Variants in NKAIN2 observed in about 807,000 individuals in gnomAD.
NKAIN2 encodes sodium/potassium-transporting ATPase subunit beta-1-interacting protein 2.
A neutral mutation model predicts 32.6 loss-of-function variants in NKAIN2; 14 were observed. The observed-to-expected ratio is 0.43, with a 90% CI of 0.28 to 0.67. NKAIN2 has a LOEUF of 0.67. Among genes scored for constraint, NKAIN2 ranks in the 30% least tolerant of loss-of-function variants. The probability of loss-of-function intolerance (pLI) is 0.17; values close to 1 mark genes in which losing one functional copy is unlikely to be tolerated. For missense variants in NKAIN2, 198 were observed against 258.3 expected (o/e 0.77, Z 1.60); for synonymous variants, 80 against 87.2 (o/e 0.92, Z 0.46).
chr6:123,834,677 C>G (rs983799344), intron 1 of NKAIN2, among the ~76,000 whole-genome samples: 1 of 152,088 alleles, frequency 6.6e-6, no homozygotes, highest in Non-Finnish European at 1.5e-5. Context: ...TTGACTTTCT[C>G]GCCATTAAGT....
At chr6:123,862,325 T>C (rs1048787836) in intron 1 of NKAIN2, among the ~76,000 whole-genome samples, 5 of 152,086 alleles carry the variant, frequency 3.3e-5, no homozygotes, top group South Asian at 4.1e-4. Context: ...GCAAACTCAG[T>C]TTTTTAGTTT....
chr6:124,211,251 A>T (rs909305498), intron 1 of NKAIN2, among the ~76,000 whole-genome samples: 1 of 151,926 alleles, frequency 6.6e-6, no homozygotes, highest in East Asian at 1.9e-4. Context: ...TAATTTTAAA[A>T]AGATTATATT....
chr6:124,157,493 G>C (rs946638756), intron 1 of NKAIN2, among the ~76,000 whole-genome samples: 5 of 152,092 alleles, frequency 3.3e-5, no homozygotes, highest in Non-Finnish European at 7.4e-5. Context: ...TGGTGAAGTT[G>C]TTTTCACATT....
At chr6:124,401,050 G>A (rs1008161860) in intron 3 of NKAIN2, among the ~76,000 whole-genome samples, 1 of 152,070 alleles carries the variant, frequency 6.6e-6, no homozygotes, top group Non-Finnish European at 1.5e-5. Context: ...GCATTGGTCT[G>A]TTATTTTTGT....
chr6:124,065,662 A>G (rs1269345379), intron 1 of NKAIN2, among the ~76,000 whole-genome samples: 5 of 152,116 alleles, frequency 3.3e-5, no homozygotes, highest in Admixed American at 6.6e-5. Flanking sequence ...CCAGAACGGT[A>G]AGAAATAAAT....
intron 1 of NKAIN2, among the ~76,000 whole-genome samples, chr6:123,951,362 T>G (rs559083659): frequency 6.6e-6 from 1 of 152,124 alleles, no homozygotes; most frequent in Admixed American, 6.5e-5. Flanking sequence ...GAAGTGTTGA[T>G]TTCTTCAATT....
intron 2 of NKAIN2, among the ~76,000 whole-genome samples, chr6:124,287,290 T>C (rs1795597590): frequency 6.6e-6 from 1 of 152,200 alleles, no homozygotes; most frequent in South Asian, 2.1e-4. Context: ...TTGCTATATT[T>C]GAAGAGCTTC....
rs1252922344 is a variant in NKAIN2 at position 124,308,115 on chromosome 6, A to G, written c.192+24973A>G. Among the ~76,000 whole-genome samples, 6 of 152,020 alleles carry G rather than the reference A, an allele frequency of 3.9e-5. No homozygotes were observed. In the East Asian group the frequency reaches 5.8e-4, roughly 15 times the overall value. On this transcript the variant is annotated intron_variant, in intron 2 of 6. Transcript: ENST00000368417. ...GTTTTAAGCCCCGCATGCATTAGGTATTTGTTCTAATGCTCTCCCTCCCTT... is the reference window on the plus strand; with the variant it reads ...GTTTTAAGCCCCGCATGCATTAGGTGTTTGTTCTAATGCTCTCCCTCCCTT...
At chr6:124,127,195 A>G (rs529257059) in intron 1 of NKAIN2, among the ~76,000 whole-genome samples, 1 of 152,298 alleles carries the variant, frequency 6.6e-6, no homozygotes, top group Admixed American at 6.5e-5. Flanking sequence ...CTGTGCATTC[A>G]TGGATGGAGA....
intron 4 of NKAIN2, among the ~76,000 whole-genome samples, chr6:124,667,790 T>C (rs1015849930): frequency 6.6e-6 from 1 of 152,144 alleles, no homozygotes; most frequent in Non-Finnish European, 1.5e-5. Context: ...TTGTTCAGTA[T>C]GTTATACTTG....
intron 4 of NKAIN2, among the ~76,000 whole-genome samples, chr6:124,692,742 G>T (rs1774317111): frequency 6.6e-6 from 1 of 151,252 alleles, no homozygotes; most frequent in African/African-American, 2.4e-5. Context: ...CTTGAACCTG[G>T]GAGGCGGAGG....
intron 4 of NKAIN2, among the ~76,000 whole-genome samples, chr6:124,732,051 A>C (rs1776706524): frequency 6.6e-6 from 1 of 152,088 alleles, no homozygotes; most frequent in Non-Finnish European, 1.5e-5. Flanking sequence ...ATATCATTCT[A>C]ATAGTGCAGT....
intron 3 of NKAIN2, among the ~76,000 whole-genome samples, chr6:124,583,103 A>G (rs1177283783): frequency 6.6e-6 from 1 of 152,078 alleles, no homozygotes; most frequent in Non-Finnish European, 1.5e-5. Context: ...CAACATAATA[A>G]TGGAAGTCCT....
At chr6:124,342,162 G>C (rs547781626) in intron 2 of NKAIN2, among the ~76,000 whole-genome samples, 1 of 152,114 alleles carries the variant, frequency 6.6e-6, no homozygotes, top group South Asian at 2.1e-4. Context: ...AGCACTTTGG[G>C]AGGCCAAGGC....
intron 1 of NKAIN2, among the ~76,000 whole-genome samples, chr6:123,919,970 G>A (rs1216264033): frequency 6.6e-6 from 1 of 152,034 alleles, no homozygotes; most frequent in African/African-American, 2.4e-5. Flanking sequence ...TCAACTTGCA[G>A]CATTAAAGAA....
chr6:124,072,004 A>G (rs950317966), intron 1 of NKAIN2, among the ~76,000 whole-genome samples: 5 of 152,306 alleles, frequency 3.3e-5, no homozygotes, highest in Non-Finnish European at 5.9e-5. Context: ...AAATTTTTCT[A>G]CCAAAATGAC....
chr6:124,442,535 G>T (rs78903255), intron 3 of NKAIN2, among the ~76,000 whole-genome samples: 1 of 152,048 alleles, frequency 6.6e-6, no homozygotes, highest in Non-Finnish European at 1.5e-5. Context: ...CTAAGACACC[G>T]GCTCCTGCAT....
In NKAIN2 at chr6:124,450,412, T is replaced by A. The variant is rs564268038; in HGVS notation, c.273+95065T>A. Among the ~76,000 whole-genome samples the A allele has an allele frequency of 5.3e-5, 8 of 152,162 alleles. No individual in the cohort carries two copies. In the South Asian group the frequency reaches 1.7e-3, roughly 32 times the overall value. ...TTAATCTGAAAACTCCCTTCTTATATGTGCATGTATGATAAATTTTTGATA... is the reference window on the plus strand; with the variant it reads ...TTAATCTGAAAACTCCCTTCTTATAAGTGCATGTATGATAAATTTTTGATA... On this transcript the variant is annotated intron_variant, in intron 3 of 6. Coordinates refer to ENST00000368417, the MANE Select transcript of NKAIN2 (RefSeq NM_001040214.3).
At chr6:124,288,815 C>T (rs995614958) in intron 2 of NKAIN2, among the ~76,000 whole-genome samples, 73 of 152,110 alleles carry the variant, frequency 4.8e-4, no homozygotes, top group African/African-American at 1.6e-3. Context: ...ATACTCAAAA[C>T]ATATTGGAAA....
Sources: allele counts gnomAD v4.1 joint callset (sites outside exome capture counted in the v4.1 genomes callset), GRCh38; gene constraint gnomAD v4.1.1; transcripts MANE v1.5; gene names NCBI Gene and HGNC (gene_info 2026-07-23, HGNC 2026-07-21).